ZNRF3: variants seen among roughly 807,000 people sequenced by gnomAD.
The protein encoded by ZNRF3 is E3 ubiquitin-protein ligase ZNRF3.
A neutral mutation model predicts 72.5 loss-of-function variants in ZNRF3; 23 were observed. That is an observed-to-expected ratio of 0.32 (90% CI 0.23 to 0.45). The LOEUF is 0.45. ZNRF3 is among the 20% of genes least tolerant of loss of function. The pLI, the probability that ZNRF3 is intolerant of heterozygous loss-of-function variation, is 1.00. For missense variants in ZNRF3, 1,169 were observed against 1,272.1 expected (o/e 0.92, Z 1.23); for synonymous variants, 610 against 545.3 (o/e 1.12, Z -1.65).
At chr22:29,010,377 C>T (rs535577917) in intron 2 of ZNRF3, among the ~76,000 whole-genome samples, 8 of 152,156 alleles carry the variant, frequency 5.3e-5, no homozygotes, top group South Asian at 2.1e-4. Context: ...GCTTCTTTCA[C>T]GTGGCATAAT....
At chr22:28,952,898 A>G (rs550510625) in intron 1 of ZNRF3, among the ~76,000 whole-genome samples, 1 of 152,288 alleles carries the variant, frequency 6.6e-6, no homozygotes, top group South Asian at 2.1e-4. Flanking sequence ...GTCCTTGACT[A>G]TTAGGTCTTT....
intron 1 of ZNRF3, among the ~76,000 whole-genome samples, chr22:28,984,028 T>C (rs1256386913): frequency 6.6e-6 from 1 of 152,086 alleles, no homozygotes; most frequent in Non-Finnish European, 1.5e-5. Flanking sequence ...AGAAACCACA[T>C]TGTCCTTCAC....
intron 1 of ZNRF3, among the ~76,000 whole-genome samples, chr22:28,929,373 G>T (rs77192810): frequency 6.6e-6 from 1 of 152,100 alleles, no homozygotes; most frequent in Non-Finnish European, 1.5e-5. Context: ...TGTCCTGTGC[G>T]TTGTAGGATA....
At chr22:28,993,636 G>C (rs2035993437) in intron 2 of ZNRF3, among the ~76,000 whole-genome samples, 1 of 152,214 alleles carries the variant, frequency 6.6e-6, no homozygotes, top group Non-Finnish European at 1.5e-5. Flanking sequence ...GAGCATGTAA[G>C]GGTTAAGACT....
At chr22:28,960,002 G>A (rs990479441) in intron 1 of ZNRF3, among the ~76,000 whole-genome samples, 53 of 152,078 alleles carry the variant, frequency 3.5e-4, no homozygotes, top group African/African-American at 1.3e-3. Context: ...AGGGTACTTT[G>A]TTATGATAGC....
chr22:28,965,766 A>G (rs1180974960), intron 1 of ZNRF3, among the ~76,000 whole-genome samples: 2 of 152,214 alleles, frequency 1.3e-5, no homozygotes, highest in Non-Finnish European at 2.9e-5. Flanking sequence ...GGAGAAGGAC[A>G]AACTTCAAAA....
At chr22:29,024,183 A>C (rs2123863573) in intron 2 of ZNRF3, among the ~76,000 whole-genome samples, 1 of 151,378 alleles carries the variant, frequency 6.6e-6, no homozygotes, top group Middle Eastern at 3.4e-3. Context: ...ACAGTCATTC[A>C]CCTGTTATTG....
chr22:28,951,261 T>G (rs1328722395), intron 1 of ZNRF3, among the ~76,000 whole-genome samples: 1 of 152,194 alleles, frequency 6.6e-6, no homozygotes, highest in African/African-American at 2.4e-5. Flanking sequence ...AAACCCTAAC[T>G]CCCAGCACCT....
intron 1 of ZNRF3, among the ~76,000 whole-genome samples, chr22:28,961,186 A>G (rs1434031465): frequency 6.6e-6 from 1 of 152,216 alleles, no homozygotes; most frequent in Non-Finnish European, 1.5e-5. Context: ...GACCTTTTAT[A>G]AGGGCACTAA....
chr22:29,017,763 C>T (rs975178284), intron 2 of ZNRF3, among the ~76,000 whole-genome samples: 1 of 152,086 alleles, frequency 6.6e-6, no homozygotes, highest in African/African-American at 2.4e-5. Context: ...GTGAATGGGA[C>T]ATGGAAACAG....
intron 2 of ZNRF3, among the ~76,000 whole-genome samples, chr22:28,995,031 AC>A (rs2036023884): frequency 2.0e-5 from 3 of 152,224 alleles, no homozygotes; most frequent in African/African-American, 7.2e-5. Context: ...TTTTCTACTT[AC>A]TTTTGAAGAA....
chr22:28,989,272 C>T (rs936801385), intron 2 of ZNRF3, among the ~76,000 whole-genome samples: 9 of 152,116 alleles, frequency 5.9e-5, no homozygotes, highest in African/African-American at 1.9e-4. Flanking sequence ...AGCACAGAAG[C>T]TTGGGCCAAA....
chr22:29,044,120 T>C (rs1485268761), intron 4 of ZNRF3, among the ~76,000 whole-genome samples: 1 of 152,214 alleles, frequency 6.6e-6, no homozygotes, highest in African/African-American at 2.4e-5. Context: ...TTCTTTCCCA[T>C]ACACAACATA....
At chr22:28,920,093 C>T (rs896852766) in intron 1 of ZNRF3, among the ~76,000 whole-genome samples, 5 of 151,746 alleles carry the variant, frequency 3.3e-5, no homozygotes, top group African/African-American at 7.3e-5. Flanking sequence ...CCTCAGCCTC[C>T]CGAGTAGCTG....
intron 2 of ZNRF3, among the ~76,000 whole-genome samples, chr22:28,990,558 C>T (rs2035935215): frequency 1.3e-5 from 2 of 151,990 alleles, no homozygotes. Flanking sequence ...GTGGCATGCA[C>T]CTGTAGTTCC....
intron 1 of ZNRF3, among the ~76,000 whole-genome samples, chr22:28,893,278 T>C (rs997854393): frequency 2.6e-5 from 4 of 152,224 alleles, no homozygotes; most frequent in African/African-American, 9.6e-5. Flanking sequence ...AATTTTCTAC[T>C]TGAGTTAATT....
rs1569274174 is a variant in ZNRF3, at chr22:28,994,185, T to TTTTTTTTTTTTTTC, written c.426+6997_426+6998insCTTTTTTTTTTTTT. On this transcript the variant is annotated intron_variant, in intron 2 of 8. Coordinates refer to ENST00000544604, the MANE Select transcript of ZNRF3 (RefSeq NM_001206998.2). ...GTCCTTCAGTTCCTTTCTTTTTTTT[T>TTTTTTTTTTTTTTC]TTTTTTTTTTTTTTTTTTGAGATGG... Among the ~76,000 whole-genome samples, 17 of 98,840 alleles carry TTTTTTTTTTTTTTC rather than the reference T, an allele frequency of 1.7e-4. No individual in the cohort carries two copies. The South Asian group carries it at 1.9e-3, about 11-fold the overall frequency. The allele number at this position is 98,840 out of a possible 152,430, so 64.8% of individuals were successfully genotyped here.
chr22:29,046,772 C>G lies in ZNRF3; in HGVS notation c.801C>G (p.Phe267Leu). ...TAGAGAAGATGGAAACCAGAAAGTT[C>G]AACTCCAAGAGCAAGGGGCGCCGGG... ...QALEKMETRK[F>L]NSKSKGRREG... is the part of the protein sequence containing the mutation. Residue 267 changes from phenylalanine (F) to leucine (L), a missense_variant, in exon 6 of 9, where the codon TTC becomes TTG. Around this residue, in one of 2 missense-constraint regions of ZNRF3, gnomAD observed 386 missense variants for 540.7 expected, o/e 0.71. Coordinates refer to ENST00000544604, the MANE Select transcript of ZNRF3 (RefSeq NM_001206998.2). The G allele has an allele frequency of 6.2e-7, 1 of 1,612,008 alleles. No homozygotes were observed. The highest frequency in any genetic ancestry group is 8.5e-7 in the Non-Finnish European group (1 of 1,179,010).
At chr22:29,025,156 A>G (rs9613778) in intron 2 of ZNRF3, 47,244 of 151,458 alleles carry the variant, frequency 0.31, 8,992 homozygotes, top group Middle Eastern at 0.42. Context: ...TAATTTTTGT[A>G]TTTTTAGTAG....
Sources: allele counts gnomAD v4.1 joint callset (sites outside exome capture counted in the v4.1 genomes callset), GRCh38; gene constraint gnomAD v4.1.1; regional missense constraint gnomAD v4.1.1; transcripts MANE v1.5; gene names NCBI Gene and HGNC (gene_info 2026-07-23, HGNC 2026-07-21).